Variants in FTO observed in about 807,000 individuals in gnomAD.
The protein encoded by FTO is FTO alpha-ketoglutarate dependent dioxygenase.
A neutral mutation model predicts 63.9 loss-of-function variants in FTO; 47 were observed. That is an observed-to-expected ratio of 0.74 (90% CI 0.58 to 0.94). FTO has a LOEUF of 0.94. FTO is among the 40% of genes least tolerant of loss of function. The probability of loss-of-function intolerance (pLI) is 0.00; values close to 1 mark genes in which losing one functional copy is unlikely to be tolerated. For synonymous variants in FTO, 207 were observed against 224.4 expected (o/e 0.92, Z 0.69); for missense variants, 562 against 618.1 (o/e 0.91, Z 0.96).
intron 1 of FTO, among the ~76,000 whole-genome samples, chr16:53,737,615 T>C (rs2076418994): frequency 1.3e-5 from 2 of 152,222 alleles, no homozygotes; most frequent in African/African-American, 4.8e-5. Flanking sequence ...CATTCTGCAA[T>C]GCAAGACTGT....
chr16:54,013,357 T>G (rs201336613), intron 8 of FTO: 10 of 2,952 alleles, frequency 3.4e-3, no homozygotes, highest in Admixed American at 4.5e-3. Flanking sequence ...AGCAAAGTGT[T>G]TTTTTTTTTT....
chr16:54,075,969 T>A (rs752756920), intron 8 of FTO, among the ~76,000 whole-genome samples: 26 of 152,178 alleles, frequency 1.7e-4, no homozygotes, highest in Non-Finnish European at 3.8e-4. Flanking sequence ...GTCACTAGAA[T>A]ATGCGAGGCC....
intron 1 of FTO, chr16:53,711,297 G>C (rs748328860): frequency 2.5e-6 from 1 of 394,274 alleles, no homozygotes. Flanking sequence ...TACTAGTTTT[G>C]TACCACCTTT....
At chr16:53,744,823 C>T (rs1485083449) in intron 1 of FTO, among the ~76,000 whole-genome samples, 1 of 68,994 alleles carries the variant, frequency 1.4e-5, no homozygotes, top group Admixed American at 1.2e-4. Context: ...AAGGACTTTT[C>T]TTCCCCCCCC....
chr16:54,035,855 C>T (rs192687357), intron 8 of FTO, among the ~76,000 whole-genome samples: 1 of 152,280 alleles, frequency 6.6e-6, no homozygotes, highest in Admixed American at 6.5e-5. Context: ...TGGACATAGA[C>T]CCCCTGGCTG....
In FTO at chr16:53,945,321, C is replaced by G. The variant is rs139403581; in HGVS notation, c.1364+11212C>G. On this transcript the variant is annotated intron_variant, in intron 8 of 8. Coordinates refer to ENST00000471389, the MANE Select transcript of FTO (RefSeq NM_001080432.3). ...TATTGAGAAGTCACTGTGTTCCAGACAGAGTTTTAAATGTTTTATATGATG... is the reference window on the plus strand; with the variant it reads ...TATTGAGAAGTCACTGTGTTCCAGAGAGAGTTTTAAATGTTTTATATGATG... Among the ~76,000 whole-genome samples, 183 of 152,264 alleles carry G rather than the reference C, an allele frequency of 1.2e-3. 1 individual carries two copies. Among genetic ancestry groups the G allele is most frequent in the African/African-American group, 4.1e-3 (172 of 41,560 alleles).
chr16:53,789,165 T>G (rs2077829210), intron 1 of FTO, among the ~76,000 whole-genome samples: 1 of 152,194 alleles, frequency 6.6e-6, no homozygotes, highest in Non-Finnish European at 1.5e-5. Flanking sequence ...ACCCTGGAAA[T>G]GGAACCATTG....
intron 8 of FTO, among the ~76,000 whole-genome samples, chr16:53,995,894 T>A (rs771148291): frequency 1.1e-4 from 16 of 152,126 alleles, no homozygotes; most frequent in Non-Finnish European, 1.8e-4. Context: ...TGTGACAAGT[T>A]CTGACCTGTG....
chr16:53,780,419 C>T (rs572545822), intron 1 of FTO, among the ~76,000 whole-genome samples: 1 of 152,276 alleles, frequency 6.6e-6, no homozygotes, highest in East Asian at 1.9e-4. Flanking sequence ...TTTCCCTCTA[C>T]CGCATCACTA....
intron 8 of FTO, among the ~76,000 whole-genome samples, chr16:53,995,328 C>G (rs544223046): frequency 2.6e-5 from 4 of 152,298 alleles, no homozygotes; most frequent in African/African-American, 7.2e-5. Context: ...TTAAAAAATA[C>G]CAACAGATGC....
chr16:54,108,216 A>G (rs570618725), intron 8 of FTO, among the ~76,000 whole-genome samples: 39 of 152,342 alleles, frequency 2.6e-4, no homozygotes, highest in African/African-American at 8.7e-4. Context: ...GCAAGAGACT[A>G]TGTAGAGTAT....
At chr16:54,092,669 A>G (rs1419013315) in intron 8 of FTO, among the ~76,000 whole-genome samples, 2 of 152,234 alleles carry the variant, frequency 1.3e-5, no homozygotes, top group African/African-American at 4.8e-5. Flanking sequence ...CTCCTGGGAA[A>G]GAACTTTATA....
intron 1 of FTO, among the ~76,000 whole-genome samples, chr16:53,727,246 G>C (rs1048278144): frequency 1.3e-5 from 2 of 152,216 alleles, no homozygotes; most frequent in African/African-American, 4.8e-5. Flanking sequence ...TCTCTGACTT[G>C]TCTGGCATAT....
intron 1 of FTO, among the ~76,000 whole-genome samples, chr16:53,776,665 ACT>A (rs1485662607): frequency 6.6e-6 from 1 of 152,042 alleles, no homozygotes; most frequent in East Asian, 1.9e-4. Flanking sequence ...ATGAAAAATA[ACT>A]CTTTTCCAAT....
intron 1 of FTO, among the ~76,000 whole-genome samples, chr16:53,790,375 C>G (rs1183352957): frequency 2.0e-5 from 3 of 151,786 alleles, no homozygotes; most frequent in African/African-American, 7.3e-5. Context: ...TAGAATCATA[C>G]AGTATTTGTC....
In FTO at chr16:54,119,838, CTG is replaced by C. The variant is rs1470826151; in HGVS notation, c.*7927_*7928del. ...AGCAGCAACATAAGTTTGAAACTAACTGTGTATGACTAAGGCTCCATTTGCTG... is the reference window on the plus strand; with the variant it reads ...AGCAGCAACATAAGTTTGAAACTAACTGTATGACTAAGGCTCCATTTGCTG... On this transcript the variant is annotated 3_prime_UTR_variant, in exon 9 of 9. Transcript: ENST00000471389. The C allele has an allele frequency of 2.0e-5, 3 of 152,190 alleles. No individual in the cohort carries two copies. The highest frequency in any genetic ancestry group is 7.2e-5 in the African/African-American group (3 of 41,444). 9.4% of individuals were successfully genotyped at this position (152,190 alleles called of 1,614,324 possible).
chr16:54,055,215 T>C (rs1194497184), intron 8 of FTO, among the ~76,000 whole-genome samples: 1 of 152,214 alleles, frequency 6.6e-6, no homozygotes, highest in Non-Finnish European at 1.5e-5. Context: ...CTTGCTCTGT[T>C]TGGAGTAGAG....
At chr16:53,814,690 T>A (rs754159403) in intron 2 of FTO, 2 of 152,522 alleles carry the variant, frequency 1.3e-5, no homozygotes, top group African/African-American at 2.4e-5. Flanking sequence ...TCTGTCCCCA[T>A]CCCAGCTCTC....
At chr16:53,898,223 CT>C (rs1718540144) in intron 7 of FTO, among the ~76,000 whole-genome samples, 1 of 152,180 alleles carries the variant, frequency 6.6e-6, no homozygotes, top group South Asian at 2.1e-4. Context: ...TTTCCCTCCC[CT>C]AATGTCTGCC....
Sources: allele counts gnomAD v4.1 joint callset (sites outside exome capture counted in the v4.1 genomes callset), GRCh38; gene constraint gnomAD v4.1.1; transcripts MANE v1.5; gene names NCBI Gene and HGNC (gene_info 2026-07-23, HGNC 2026-07-21).